Variants in POC1B observed in about 807,000 individuals in gnomAD.
POC1B encodes the protein POC1 centriolar protein homolog B.
In POC1B, 44 loss-of-function variants were observed where a neutral mutation model predicts 60.6. The observed-to-expected ratio is 0.73, with a 90% CI of 0.57 to 0.93. The LOEUF (loss-of-function observed/expected upper bound fraction) is 0.93. Among genes scored for constraint, POC1B ranks in the 40% least tolerant of loss-of-function variants. POC1B has a pLI of 0.00. For missense variants in POC1B, 555 were observed against 572.3 expected (o/e 0.97, Z 0.31); for synonymous variants, 180 against 198.9 (o/e 0.90, Z 0.80).
Position 89,484,653 on chromosome 12 carries a change from A to T in POC1B, c.452+7283T>A, listed in dbSNP as rs1389643427. 3.3e-5 allele frequency among the ~76,000 whole-genome samples: 5 copies of T among 152,254 alleles called. No homozygotes were observed. The East Asian group carries it at 9.6e-4, about 29-fold the overall frequency. ...ATGAGAGCAGACTAATGCCCAGAGAATGTGATGTGCCCAAGTAACATGCTA... is the reference window on the plus strand; with the variant it reads ...ATGAGAGCAGACTAATGCCCAGAGATTGTGATGTGCCCAAGTAACATGCTA... On this transcript the variant is annotated intron_variant, in intron 4 of 11. Transcript: ENST00000313546.
chr12:89,422,733 G>C (rs966045051), intron 11 of POC1B, among the ~76,000 whole-genome samples: 1 of 152,152 alleles, frequency 6.6e-6, no homozygotes, highest in Non-Finnish European at 1.5e-5. Context: ...TAATAAGTAA[G>C]AGACATTTTC....
intron 2 of POC1B, among the ~76,000 whole-genome samples, chr12:89,508,263 C>T (rs1044813427): frequency 1.3e-5 from 2 of 152,214 alleles, no homozygotes; most frequent in African/African-American, 4.8e-5. Flanking sequence ...ATACCTAGAG[C>T]TGCCTCATTC....
chr12:89,524,664 A>G (rs561150029), intron 2 of POC1B: 2 of 1,105,882 alleles, frequency 1.8e-6, no homozygotes, highest in South Asian at 3.1e-5. Context: ...CCTTTCATGC[A>G]GGCGCTAGGC....
chr12:89,418,211 G>A (rs181166381), downstream of POC1B, among the ~76,000 whole-genome samples: 28 of 152,306 alleles, frequency 1.8e-4, no homozygotes, highest in East Asian at 5.0e-3. Flanking sequence ...TGATGCCTGA[G>A]GGCAGAAAGT....
At chr12:89,487,640 A>C (rs1251567281) in intron 4 of POC1B, among the ~76,000 whole-genome samples, 5 of 152,162 alleles carry the variant, frequency 3.3e-5, no homozygotes, top group African/African-American at 1.2e-4. Flanking sequence ...GTTTTGTCCC[A>C]TATGCTCCCT....
intron 11 of POC1B, 59 bp from the exon 12 acceptor site, chr12:89,421,316 G>T: frequency 7.3e-7 from 1 of 1,365,278 alleles, no homozygotes; most frequent in Non-Finnish European, 1.0e-6. Flanking sequence ...GGATGACAAT[G>T]ACAATCTCTG....
intron 2 of POC1B, chr12:89,523,794 C>A (rs199755623): frequency 1.6e-5 from 25 of 1,535,004 alleles, no homozygotes; most frequent in Non-Finnish European, 2.0e-5. Flanking sequence ...TAACAGGACA[C>A]ACAACTGCTG....
chr12:89,467,152 C>G (rs1882715863), intron 8 of POC1B, among the ~76,000 whole-genome samples: 1 of 151,954 alleles, frequency 6.6e-6, no homozygotes, highest in Admixed American at 6.6e-5. Flanking sequence ...AAGAAAATAT[C>G]TGGTTATCTT....
intron 5 of POC1B, 39 bp from the exon 6 acceptor site, chr12:89,471,768 C>CTTTTTTT: frequency 2.2e-5 from 18 of 819,830 alleles, no homozygotes; most frequent in South Asian, 7.7e-5. Context: ...ATTTCAATTT[C>CTTTTTTT]TTTTTTTTTT....
chr12:89,495,209 C>T (rs761025611), intron 3 of POC1B, among the ~76,000 whole-genome samples: 5 of 152,188 alleles, frequency 3.3e-5, no homozygotes, highest in Non-Finnish European at 5.9e-5. Flanking sequence ...TACCCTTATA[C>T]AATTTGTTCA....
the POC1B span, among the ~76,000 whole-genome samples, chr12:89,405,990 T>G: frequency 7.1e-6 from 1 of 140,556 alleles, no homozygotes; most frequent in Non-Finnish European, 1.5e-5. Flanking sequence ...TTTTGAGTGT[T>G]TTTTTTTTTT....
intron 2 of POC1B, chr12:89,502,379 AT>A: frequency 6.3e-7 from 1 of 1,592,498 alleles, no homozygotes; most frequent in Non-Finnish European, 8.6e-7. Flanking sequence ...CAGCAAATAG[AT>A]TATCAAGGAA....
chr12:89,480,685 C>T (rs1360852122), intron 4 of POC1B, among the ~76,000 whole-genome samples: 6 of 151,148 alleles, frequency 4.0e-5, no homozygotes, highest in African/African-American at 9.7e-5. Flanking sequence ...CTGCAGGCTC[C>T]GCCCCCTGGG....
Position 89,472,257 on chromosome 12 carries a change from T to C in POC1B, c.471A>G (p.Arg157=), listed in dbSNP as rs750943166. ...TATCCTCACTACATGACACAATTAG[T>C]CTTCCATCGGGTGAAAATCTAGAAA... The part of the protein sequence containing the change: ...VRCAKFSPDG[R]LIVSCSEDKT... Residue 157 remains arginine (R), a synonymous_variant, in exon 5 of 12, where the codon AGA becomes AGG. Coordinates refer to ENST00000313546, the MANE Select transcript of POC1B (RefSeq NM_172240.3). 1.9e-6 allele frequency: 3 copies of C among 1,596,852 alleles called. No homozygotes were observed. Among genetic ancestry groups the C allele is most frequent in the Non-Finnish European group, 2.6e-6 (3 of 1,171,402 alleles).
At chr12:89,467,209 T>C (rs1408221113) in intron 8 of POC1B, among the ~76,000 whole-genome samples, 3 of 152,164 alleles carry the variant, frequency 2.0e-5, no homozygotes, top group Non-Finnish European at 4.4e-5. Flanking sequence ...TGTTTTGGAC[T>C]GGTCATTCAC....
chr12:89,443,919 G>A (rs1419726592), intron 10 of POC1B, among the ~76,000 whole-genome samples: 5 of 152,008 alleles, frequency 3.3e-5, no homozygotes, highest in Non-Finnish European at 7.4e-5. Flanking sequence ...TGACAAAGGG[G>A]ATATCACCAC....
intron 10 of POC1B, chr12:89,425,604 T>C (rs1295138784): frequency 2.6e-6 from 1 of 389,028 alleles, no homozygotes; most frequent in Non-Finnish European, 4.5e-6. Context: ...TCCTTGACTT[T>C]CTTTTCAATG....
intron 11 of POC1B, 53 bp downstream of exon 11, chr12:89,425,108 G>C: frequency 6.4e-7 from 1 of 1,563,920 alleles, no homozygotes; most frequent in Non-Finnish European, 8.8e-7. Context: ...ATCCAGAATT[G>C]TTTTGTGTAT....
chr12:89,435,006 C>T (rs1455195495), intron 10 of POC1B, among the ~76,000 whole-genome samples: 2 of 151,850 alleles, frequency 1.3e-5, no homozygotes, highest in Non-Finnish European at 2.9e-5. Flanking sequence ...AATCTAGTTC[C>T]ATTGTTTTAC....
Sources: allele counts gnomAD v4.1 joint callset (sites outside exome capture counted in the v4.1 genomes callset), GRCh38; gene constraint gnomAD v4.1.1; transcripts MANE v1.5; gene names NCBI Gene and HGNC (gene_info 2026-07-23, HGNC 2026-07-21).